The following NCOA1 variants were observed in gnomAD, a reference collection of about 807,000 sequenced individuals.
NCOA1 encodes the protein Hin-2 protein.
In NCOA1, 35 loss-of-function variants were observed where a neutral mutation model predicts 150.9. That is an observed-to-expected ratio of 0.23 (90% CI 0.18 to 0.31). The LOEUF (loss-of-function observed/expected upper bound fraction) is 0.31, where lower values mean the gene tolerates loss of function less well. NCOA1 is among the 10% of genes least tolerant of loss of function. The probability of loss-of-function intolerance (pLI) is 1.00; values close to 1 mark genes in which losing one functional copy is unlikely to be tolerated. For synonymous variants in NCOA1, 590 were observed against 630.0 expected, an observed-to-expected ratio of 0.94 and a Z score of 0.95; for missense variants, 1,491 against 1,749.3, an observed-to-expected ratio of 0.85 and a Z score of 2.63.
intron 3 of NCOA1, among the ~76,000 whole-genome samples, chr2:24,589,630 G>GATGT (rs1553433026): frequency 6.8e-6 from 1 of 147,450 alleles, no homozygotes; most frequent in Admixed American, 6.7e-5. Flanking sequence ...AGAGGTTGGT[G>GATGT]GTGTGTGTGT....
intron 1 of NCOA1, among the ~76,000 whole-genome samples, chr2:24,528,852 C>G (rs905539822): frequency 6.6e-6 from 1 of 152,088 alleles, no homozygotes; most frequent in Admixed American, 6.6e-5. Flanking sequence ...CTGGCTTACT[C>G]AGCTTTGTGT....
intron 2 of NCOA1, among the ~76,000 whole-genome samples, chr2:24,572,609 G>T (rs567413024): frequency 1.3e-4 from 20 of 152,132 alleles, no homozygotes; most frequent in Non-Finnish European, 1.9e-4. Flanking sequence ...CTGAAGACCT[G>T]GGATAGCTAG....
intron 17 of NCOA1, among the ~76,000 whole-genome samples, chr2:24,735,530 A>G (rs1663253384): frequency 6.6e-6 from 1 of 151,898 alleles, no homozygotes; most frequent in South Asian, 2.1e-4. Context: ...TTGAAAAAAT[A>G]TATATATATA....
chr2:24,510,072 G>T (rs1663870511), intron 1 of NCOA1, among the ~76,000 whole-genome samples: 1 of 152,042 alleles, frequency 6.6e-6, no homozygotes, highest in East Asian at 1.9e-4. Flanking sequence ...TTTTTGAGAC[G>T]GAGTTTCACT....
At chr2:24,672,845 C>T (rs1298198684) in intron 6 of NCOA1, among the ~76,000 whole-genome samples, 1 of 152,084 alleles carries the variant, frequency 6.6e-6, no homozygotes, top group African/African-American at 2.4e-5. Flanking sequence ...GCAACATCAC[C>T]TCACAAAAGA....
chr2:24,756,954 A>G (rs1664535948), intron 20 of NCOA1, among the ~76,000 whole-genome samples: 1 of 152,238 alleles, frequency 6.6e-6, no homozygotes, highest in Admixed American at 6.5e-5. Flanking sequence ...TTTGCTTCCT[A>G]GAAAAGACAT....
intron 2 of NCOA1, among the ~76,000 whole-genome samples, chr2:24,576,102 A>G (rs1353327293): frequency 3.4e-5 from 5 of 147,456 alleles, no homozygotes; most frequent in African/African-American, 7.5e-5. Flanking sequence ...TTGGAATACA[A>G]ACTATTCATA....
At chr2:24,672,166 G>A (rs1671719059) in intron 6 of NCOA1, among the ~76,000 whole-genome samples, 1 of 151,716 alleles carries the variant, frequency 6.6e-6, no homozygotes, top group African/African-American at 2.4e-5. Flanking sequence ...TCATACATAT[G>A]TAGTAAAAGT....
At chr2:24,594,715 C>CT (rs1415200184) in intron 3 of NCOA1, among the ~76,000 whole-genome samples, 1 of 152,076 alleles carries the variant, frequency 6.6e-6, no homozygotes. Flanking sequence ...GCCCTCTCAG[C>CT]TTTCTTTCCT....
At chr2:24,504,102 C>G (rs901815954) in intron 1 of NCOA1, among the ~76,000 whole-genome samples, 20 of 151,060 alleles carry the variant, frequency 1.3e-4, no homozygotes, top group Non-Finnish European at 2.6e-4. Flanking sequence ...GAGACTTGTA[C>G]CACAGTGCTT....
rs564520190 is a variant in NCOA1, at chr2:24,718,876, A to G, written c.2600-7713A>G. ...AGAATGAGACTCTGTCTCAAAAAAA[A>G]AAAAAAGCCAGGTGTGGTGGCGGGC... is the stretch of plus-strand genomic sequence containing the variant. On this transcript the variant is annotated intron_variant, in intron 14 of 22. Transcript: ENST00000348332. 2.5e-4 allele frequency among the ~76,000 whole-genome samples: 38 copies of G among 151,268 alleles called. No individual in the cohort carries two copies. The East Asian group carries it at 3.3e-3, about 13-fold the overall frequency.
intron 2 of NCOA1, among the ~76,000 whole-genome samples, chr2:24,576,800 C>G (rs1667010247): frequency 6.6e-6 from 1 of 152,144 alleles, no homozygotes. Context: ...GGTCCAAACT[C>G]TTTGATGATG....
Position 24,768,735 on chromosome 2 carries a change from A to C in NCOA1, c.*344A>C. On this transcript the variant is annotated 3_prime_UTR_variant, in exon 23 of 23. Transcript: ENST00000348332. ...GCTTTTGGAGGAGAACCAAAACGAC[A>C]AGTTCCAAGAAGAAGATGAAGCTCC... The C allele has an allele frequency of 4.4e-6, 1 of 227,796 alleles. No homozygotes were observed. The highest frequency in any genetic ancestry group is 8.7e-6 in the Non-Finnish European group (1 of 114,722). 14.1% of individuals were successfully genotyped at this position (227,796 alleles called of 1,614,324 possible).
In NCOA1 at chr2:24,614,523, C is replaced by G. The variant is rs571726456; in HGVS notation, c.-174-29443C>G. ...GGGATTACAGGTATGAGTCATTGCA[C>G]CTAGCCCATTTTCATTCTTTATATC... On this transcript the variant is annotated intron_variant, in intron 3 of 22. Transcript: ENST00000348332. 2.0e-5 allele frequency among the ~76,000 whole-genome samples: 3 copies of G among 152,012 alleles called. No individual in the cohort carries two copies. The East Asian group carries it at 5.8e-4, about 29-fold the overall frequency.
At chr2:24,585,946 A>C (rs1486555986) in intron 3 of NCOA1, among the ~76,000 whole-genome samples, 2 of 150,998 alleles carry the variant, frequency 1.3e-5, no homozygotes, top group Non-Finnish European at 2.9e-5. Flanking sequence ...AAGTAAACAT[A>C]TGAAGGATTT....
chr2:24,645,363 C>T (rs1226676520), intron 4 of NCOA1, among the ~76,000 whole-genome samples: 2 of 149,940 alleles, frequency 1.3e-5, no homozygotes, highest in African/African-American at 2.4e-5. Context: ...ATTAGCCAGG[C>T]GTGGTGGTGG....
At chr2:24,644,832 A>C (rs527729867) in intron 4 of NCOA1, among the ~76,000 whole-genome samples, 1 of 152,212 alleles carries the variant, frequency 6.6e-6, no homozygotes, top group African/African-American at 2.4e-5. Context: ...ATAACTTTTT[A>C]TTTATTATGT....
At chr2:24,728,533 A>ATTTT in intron 16 of NCOA1, 57 bp downstream of exon 16, 3 of 1,470,480 alleles carry the variant, frequency 2.0e-6, no homozygotes, top group Non-Finnish European at 2.8e-6. Context: ...CTAGAAAATT[A>ATTTT]TTTTAAGCAA....
chr2:24,679,207 G>T (rs1378844399), intron 7 of NCOA1, among the ~76,000 whole-genome samples: 1 of 152,198 alleles, frequency 6.6e-6, no homozygotes, highest in Non-Finnish European at 1.5e-5. Context: ...ATAGGCATTT[G>T]TTGTCTTCTC....
Sources: allele counts gnomAD v4.1 joint callset (sites outside exome capture counted in the v4.1 genomes callset), GRCh38; gene constraint gnomAD v4.1.1; transcripts MANE v1.5; gene names NCBI Gene and HGNC (gene_info 2026-07-23, HGNC 2026-07-21).